Variants in SGCD observed in about 807,000 individuals in gnomAD.
SGCD encodes delta-sarcoglycan.
SGCD carries 18 observed loss-of-function variants against 36.6 expected under a neutral mutation model. The observed-to-expected ratio is 0.49, with a 90% CI of 0.34 to 0.73. SGCD has a LOEUF of 0.73. Ranked by LOEUF, SGCD falls within the 30% of genes least tolerant of loss-of-function variation. SGCD has a pLI of 0.01. For synonymous variants in SGCD, 133 were observed against 130.6 expected, an observed-to-expected ratio of 1.02 and a Z score of -0.12; for missense variants, 387 against 346.7, an observed-to-expected ratio of 1.12 and a Z score of -0.92.
chr5:156,719,082 G>A (rs1296737099), intron 7 of SGCD, among the ~76,000 whole-genome samples: 1 of 152,070 alleles, frequency 6.6e-6, no homozygotes. Context: ...CATACAGAGA[G>A]AGAGAAGTGG....
At chr5:156,479,051 TAA>T (rs1755314810) in intron 3 of SGCD, among the ~76,000 whole-genome samples, 1 of 152,166 alleles carries the variant, frequency 6.6e-6, no homozygotes, top group Non-Finnish European at 1.5e-5. Context: ...AATTTAACAT[TAA>T]GACACTTTTA....
At chr5:156,726,924 A>G (rs997485304) in intron 7 of SGCD, among the ~76,000 whole-genome samples, 5 of 152,192 alleles carry the variant, frequency 3.3e-5, no homozygotes, top group Non-Finnish European at 5.9e-5. Flanking sequence ...CTGGATGCAA[A>G]ACAGGGATAG....
At chr5:156,546,291 A>T (rs1279809663) in intron 4 of SGCD, among the ~76,000 whole-genome samples, 1 of 152,208 alleles carries the variant, frequency 6.6e-6, no homozygotes, top group Non-Finnish European at 1.5e-5. Context: ...GTTGGATGTT[A>T]TATCTACAAA....
the SGCD span, among the ~76,000 whole-genome samples, chr5:155,776,195 C>T: frequency 6.6e-6 from 1 of 151,970 alleles, no homozygotes; most frequent in Non-Finnish European, 1.5e-5. Flanking sequence ...GATAGAGACC[C>T]AGGAATATAG....
chr5:155,872,624 A>G (rs1755678723), intron 1 of SGCD, among the ~76,000 whole-genome samples: 1 of 152,176 alleles, frequency 6.6e-6, no homozygotes, highest in African/African-American at 2.4e-5. Flanking sequence ...TTTGCCATCT[A>G]TTGAATAGCT....
chr5:156,090,589 A>AT (rs1761215805), intron 1 of SGCD, among the ~76,000 whole-genome samples: 1 of 152,344 alleles, frequency 6.6e-6, no homozygotes, highest in African/African-American at 2.4e-5. Context: ...CTGGGCACAC[A>AT]TTGTCTTGAT....
At chr5:156,393,811 A>G (rs1771711779) in intron 3 of SGCD, 2 of 456,330 alleles carry the variant, frequency 4.4e-6, no homozygotes, top group Non-Finnish European at 8.8e-6. Flanking sequence ...ATGAGCTGAG[A>G]GGAGCCAGAA....
chr5:156,738,703 A>C (rs1756502841), intron 7 of SGCD: 1 of 152,212 alleles, frequency 6.6e-6, no homozygotes, highest in African/African-American at 2.4e-5. Flanking sequence ...TAGAGTTAGG[A>C]ACAAAAGAAA....
chr5:155,998,602 T>C (rs1383741364), intron 1 of SGCD, among the ~76,000 whole-genome samples: 1 of 152,218 alleles, frequency 6.6e-6, no homozygotes, highest in Non-Finnish European at 1.5e-5. Flanking sequence ...TTCTCTGTGG[T>C]ATAGGTCTGT....
chr5:156,452,587 GT>G (rs1291120729), intron 3 of SGCD, among the ~76,000 whole-genome samples: 1 of 152,110 alleles, frequency 6.6e-6, no homozygotes, highest in Non-Finnish European at 1.5e-5. Context: ...TAGCCACCAA[GT>G]TTTTTAGAAT....
the SGCD span, among the ~76,000 whole-genome samples, chr5:155,738,958 A>G: frequency 6.6e-6 from 1 of 152,054 alleles, no homozygotes; most frequent in Middle Eastern, 3.2e-3. Flanking sequence ...AGAAAGAGAG[A>G]GAGAAAGAGA....
intron 3 of SGCD, among the ~76,000 whole-genome samples, chr5:156,346,205 A>G (rs182960394): frequency 6.8e-6 from 1 of 147,656 alleles, no homozygotes; most frequent in East Asian, 1.9e-4. Context: ...TGGTAACAGG[A>G]AACCATAAAA....
chr5:156,015,785 A>G (rs1758960681), intron 1 of SGCD, among the ~76,000 whole-genome samples: 1 of 149,810 alleles, frequency 6.7e-6, no homozygotes, highest in Admixed American at 6.7e-5. Flanking sequence ...ATGCAGTCCC[A>G]ATGAACACAC....
intron 3 of SGCD, among the ~76,000 whole-genome samples, chr5:156,220,147 T>C (rs560621070): frequency 5.6e-4 from 86 of 152,334 alleles, no homozygotes; most frequent in Non-Finnish European, 1.1e-3. Context: ...TCATGGTAAT[T>C]CAAGGTTTAG....
At chr5:156,564,618 ACT>A (rs1759403642) in intron 4 of SGCD, among the ~76,000 whole-genome samples, 1 of 152,010 alleles carries the variant, frequency 6.6e-6, no homozygotes, top group African/African-American at 2.4e-5. Context: ...TGTGAAACAA[ACT>A]CTGTGCCCAT....
the SGCD span, among the ~76,000 whole-genome samples, chr5:155,804,198 G>A: frequency 3.3e-5 from 5 of 152,104 alleles, no homozygotes; most frequent in Middle Eastern, 3.2e-3. Context: ...GGCCTGTTCT[G>A]TACCAGTCTC....
At chr5:156,546,523 G>A (rs372250526) in intron 4 of SGCD, among the ~76,000 whole-genome samples, 64 of 152,168 alleles carry the variant, frequency 4.2e-4, no homozygotes, top group African/African-American at 1.4e-3. Context: ...AACCTCCATT[G>A]TGTACCCAAG....
the SGCD span, among the ~76,000 whole-genome samples, chr5:155,823,099 T>TATC: frequency 3.3e-5 from 5 of 151,930 alleles, no homozygotes; most frequent in Non-Finnish European, 5.9e-5. Context: ...TCTATCTATC[T>TATC]ATCTATCTAT....
chr5:156,474,815 G>T (rs928687744), intron 3 of SGCD, among the ~76,000 whole-genome samples: 1 of 152,116 alleles, frequency 6.6e-6, no homozygotes, highest in Non-Finnish European at 1.5e-5. Context: ...ATTAGGATGG[G>T]ATTAACTTGA....
Sources: gnomAD v4.1 joint callset for allele counts (sites outside exome capture counted in the v4.1 genomes callset) on GRCh38, gnomAD v4.1.1 for gene constraint, MANE v1.5 for transcripts, NCBI Gene and HGNC (gene_info 2026-07-23, HGNC 2026-07-21) for gene names.